CHSY3: variants seen among roughly 807,000 people sequenced by gnomAD.
The protein encoded by CHSY3 is chondroitin sulfate synthase 3.
A neutral mutation model predicts 67.2 loss-of-function variants in CHSY3; 35 were observed. That is an observed-to-expected ratio of 0.52 (90% CI 0.40 to 0.69). CHSY3 has a LOEUF of 0.69. Among genes scored for constraint, CHSY3 ranks in the 30% least tolerant of loss-of-function variants. The probability of loss-of-function intolerance (pLI) is 0.00; values close to 1 mark genes in which losing one functional copy is unlikely to be tolerated. For synonymous variants in CHSY3, 474 were observed against 434.7 expected (o/e 1.09, Z -1.12); for missense variants, 1,069 against 1,138.5 (o/e 0.94, Z 0.88).
chr5:130,006,545 AATAT>A (rs1205877666), intron 2 of CHSY3, among the ~76,000 whole-genome samples: 1 of 152,204 alleles, frequency 6.6e-6, no homozygotes, highest in African/African-American at 2.4e-5. Context: ...TGAAACTCAG[AATAT>A]ATAAACTATT....
intron 2 of CHSY3, among the ~76,000 whole-genome samples, chr5:130,082,780 A>G (rs1195229208): frequency 6.6e-6 from 1 of 151,972 alleles, no homozygotes; most frequent in African/African-American, 2.4e-5. Flanking sequence ...TCACAGTGAC[A>G]GAAATGGAGT....
At chr5:130,117,978 T>G (rs554633369) in intron 2 of CHSY3, among the ~76,000 whole-genome samples, 73 of 152,252 alleles carry the variant, frequency 4.8e-4, no homozygotes, top group African/African-American at 1.5e-3. Flanking sequence ...TCCCTTCGGT[T>G]AGTGAGTTAG....
chr5:130,100,192 C>CT (rs910465046), intron 2 of CHSY3, among the ~76,000 whole-genome samples: 12 of 151,530 alleles, frequency 7.9e-5, no homozygotes, highest in South Asian at 2.1e-4. Flanking sequence ...AGTTAGATTT[C>CT]TTTTTTTTGA....
intron 2 of CHSY3, among the ~76,000 whole-genome samples, chr5:130,138,535 T>C (rs142926178): frequency 2.0e-5 from 3 of 152,270 alleles, no homozygotes; most frequent in African/African-American, 7.2e-5. Context: ...GGCAAGAAGG[T>C]TAGACAGAAA....
intron 2 of CHSY3, among the ~76,000 whole-genome samples, chr5:130,178,187 GTA>G (rs1241887028): frequency 1.6e-5 from 2 of 121,926 alleles, no homozygotes; most frequent in Non-Finnish European, 3.2e-5. Flanking sequence ...ATGTGTGTGT[GTA>G]TATATATATA....
chr5:129,970,684 G>A (rs1292780982), intron 2 of CHSY3, among the ~76,000 whole-genome samples: 1 of 151,802 alleles, frequency 6.6e-6, no homozygotes, highest in African/African-American at 2.4e-5. Context: ...TATTGTAGAT[G>A]CAATTTTCTT....
intron 2 of CHSY3, among the ~76,000 whole-genome samples, chr5:130,034,520 T>C (rs1055748374): frequency 3.3e-5 from 5 of 152,122 alleles, no homozygotes; most frequent in Non-Finnish European, 7.4e-5. Flanking sequence ...CAGGAAAAGA[T>C]CCATTCAACA....
intron 2 of CHSY3, among the ~76,000 whole-genome samples, chr5:130,081,738 C>G (rs1201526679): frequency 6.6e-6 from 1 of 152,026 alleles, no homozygotes; most frequent in Admixed American, 6.6e-5. Flanking sequence ...GTGAGATGTG[C>G]CTTTGCTCCT....
intron 2 of CHSY3, among the ~76,000 whole-genome samples, chr5:130,025,117 A>G (rs1019579572): frequency 2.8e-5 from 3 of 108,756 alleles, no homozygotes; most frequent in African/African-American, 1.2e-4. Context: ...TCAGTGTTGT[A>G]TTAGGGTCCT....
intron 2 of CHSY3, among the ~76,000 whole-genome samples, chr5:130,132,901 C>G (rs1349347491): frequency 6.6e-6 from 1 of 152,118 alleles, no homozygotes; most frequent in Non-Finnish European, 1.5e-5. Context: ...CCTGAAGTAC[C>G]CTAACACTGG....
At chr5:130,153,929 T>C (rs1396945333) in intron 2 of CHSY3, among the ~76,000 whole-genome samples, 1 of 152,162 alleles carries the variant, frequency 6.6e-6, no homozygotes, top group East Asian at 1.9e-4. Flanking sequence ...TGTTTGTTTG[T>C]TTGTTTGAGA....
At chr5:129,948,639 A>G (rs965394598) in intron 2 of CHSY3, among the ~76,000 whole-genome samples, 1 of 152,200 alleles carries the variant, frequency 6.6e-6, no homozygotes, top group Non-Finnish European at 1.5e-5. Context: ...TTGTGCTGCT[A>G]TAAACATGTA....
rs1217704136 is a variant in CHSY3 at position 129,925,420 on chromosome 5, A to G, written c.1086+17060A>G. On this transcript the variant is annotated intron_variant, in intron 2 of 2. Coordinates refer to ENST00000305031, the MANE Select transcript of CHSY3 (RefSeq NM_175856.5). ...AATGATCTGCCTTATTTATAACTTC[A>G]TGTTCTTTTTAAAATTTTATTTTTC... Among the ~76,000 whole-genome samples the G allele has an allele frequency of 3.9e-5, 6 of 152,170 alleles. No individual in the cohort carries two copies. In the South Asian group the frequency reaches 8.3e-4, roughly 21 times the overall value.
intron 2 of CHSY3, among the ~76,000 whole-genome samples, chr5:129,933,831 T>C (rs760868645): frequency 3.0e-4 from 45 of 152,156 alleles, no homozygotes; most frequent in Non-Finnish European, 4.7e-4. Context: ...TCTAATTGGA[T>C]GAATTTTTTA....
At chr5:130,100,657 A>G (rs1433858308) in intron 2 of CHSY3, among the ~76,000 whole-genome samples, 2 of 152,164 alleles carry the variant, frequency 1.3e-5, no homozygotes, top group Non-Finnish European at 2.9e-5. Context: ...TTATGTTCCA[A>G]TTAATAGGGT....
intron 2 of CHSY3, among the ~76,000 whole-genome samples, chr5:130,135,960 C>A (rs1261802989): frequency 1.3e-5 from 2 of 152,090 alleles, no homozygotes; most frequent in Non-Finnish European, 2.9e-5. Context: ...TTATTGAAGG[C>A]CCTTCATTTC....
chr5:130,050,329 C>A (rs748829377), intron 2 of CHSY3, among the ~76,000 whole-genome samples: 3 of 151,996 alleles, frequency 2.0e-5, no homozygotes, highest in Non-Finnish European at 2.9e-5. Flanking sequence ...ACTTAAATTT[C>A]ATTTGTGGTA....
chr5:130,111,279 T>C (rs1304368210), intron 2 of CHSY3, among the ~76,000 whole-genome samples: 5 of 152,116 alleles, frequency 3.3e-5, no homozygotes, highest in Admixed American at 2.6e-4. Context: ...TTAACCATAT[T>C]GCTAGAATTG....
chr5:130,101,344 A>T (rs1197294211), intron 2 of CHSY3, among the ~76,000 whole-genome samples: 1 of 152,164 alleles, frequency 6.6e-6, no homozygotes. Flanking sequence ...ATCACCATTG[A>T]TTCAGCAGTT....
Sources: gnomAD v4.1 joint callset for allele counts (sites outside exome capture counted in the v4.1 genomes callset) on GRCh38, gnomAD v4.1.1 for gene constraint, MANE v1.5 for transcripts, NCBI Gene and HGNC (gene_info 2026-07-23, HGNC 2026-07-21) for gene names.